Variants in GTF2F2 observed in about 807,000 individuals in gnomAD.
GTF2F2 encodes general transcription factor IIF subunit 2, also known as ATP-dependent helicase GTF2F2.
A neutral mutation model predicts 42.2 loss-of-function variants in GTF2F2; 23 were observed. That is an observed-to-expected ratio of 0.55 (90% CI 0.39 to 0.77). The LOEUF (loss-of-function observed/expected upper bound fraction) is 0.77, where lower values mean the gene tolerates loss of function less well. Ranked by LOEUF, GTF2F2 falls within the 30% of genes least tolerant of loss-of-function variation. The probability of loss-of-function intolerance (pLI) is 0.00; values close to 1 mark genes in which losing one functional copy is unlikely to be tolerated. For missense variants in GTF2F2, 261 were observed against 287.2 expected, an observed-to-expected ratio of 0.91 and a Z score of 0.66; for synonymous variants, 105 against 100.8, an observed-to-expected ratio of 1.04 and a Z score of -0.25.
intron 4 of GTF2F2, among the ~76,000 whole-genome samples, chr13:45,196,706 T>C (rs1872912514): frequency 6.6e-6 from 1 of 152,178 alleles, no homozygotes; most frequent in East Asian, 1.9e-4. Context: ...AATAAAGTGA[T>C]GTGGATAGAT....
chr13:45,123,712 T>C (rs1868810634), intron 1 of GTF2F2, among the ~76,000 whole-genome samples: 1 of 150,650 alleles, frequency 6.6e-6, no homozygotes, highest in South Asian at 2.1e-4. Flanking sequence ...AATATAGTAG[T>C]AGATTGTTTA....
chr13:45,197,142 C>T (rs1005795563), intron 4 of GTF2F2, among the ~76,000 whole-genome samples: 15 of 151,776 alleles, frequency 9.9e-5, no homozygotes, highest in African/African-American at 3.6e-4. Context: ...GTCTTAGTGC[C>T]TGGCTTATAC....
intron 4 of GTF2F2, among the ~76,000 whole-genome samples, chr13:45,177,671 T>C (rs750759733): frequency 1.5e-4 from 23 of 152,170 alleles, no homozygotes; most frequent in Non-Finnish European, 2.8e-4. Flanking sequence ...AATTCAGATA[T>C]GCCAAAGAGA....
At chr13:45,274,911 C>CA (rs879687807) in intron 7 of GTF2F2, among the ~76,000 whole-genome samples, 233 of 136,072 alleles carry the variant, frequency 1.7e-3, no homozygotes, top group South Asian at 2.8e-3. Context: ...GACCCTGTCT[C>CA]AAAAAAAAAA....
intron 6 of GTF2F2, among the ~76,000 whole-genome samples, chr13:45,264,666 C>G (rs974597236): frequency 2.0e-5 from 3 of 152,176 alleles, no homozygotes; most frequent in Non-Finnish European, 2.9e-5. Context: ...ACTCTTATCC[C>G]TAGTGTTGAT....
At chr13:45,162,273 G>A (rs568417946) in intron 4 of GTF2F2, among the ~76,000 whole-genome samples, 1 of 152,280 alleles carries the variant, frequency 6.6e-6, no homozygotes, top group African/African-American at 2.4e-5. Flanking sequence ...CCATCTTCAA[G>A]TCCCATTCAC....
intron 4 of GTF2F2, among the ~76,000 whole-genome samples, chr13:45,161,440 T>G (rs1871030069): frequency 6.6e-6 from 1 of 152,110 alleles, no homozygotes; most frequent in African/African-American, 2.4e-5. Context: ...GATCACTTTT[T>G]ATTGGGATGG....
At chr13:45,261,442 AAAG>A (rs1876340900) in intron 6 of GTF2F2, among the ~76,000 whole-genome samples, 1 of 151,160 alleles carries the variant, frequency 6.6e-6, no homozygotes, top group East Asian at 1.9e-4. Flanking sequence ...AAAAAAAAAA[AAAG>A]AATAATTTGT....
chr13:45,177,087 G>T (rs1871916206), intron 4 of GTF2F2, among the ~76,000 whole-genome samples: 1 of 152,126 alleles, frequency 6.6e-6, no homozygotes, highest in South Asian at 2.1e-4. Context: ...ACTGCGCCCA[G>T]CCTGGAATTG....
chr13:45,212,028 C>G (rs1218910525), intron 5 of GTF2F2, among the ~76,000 whole-genome samples: 1 of 152,056 alleles, frequency 6.6e-6, no homozygotes, highest in Non-Finnish European at 1.5e-5. Context: ...ACCCTACTAC[C>G]TAAAGGATCT....
intron 4 of GTF2F2, among the ~76,000 whole-genome samples, chr13:45,180,916 C>A (rs1343368541): frequency 6.6e-6 from 1 of 151,504 alleles, no homozygotes; most frequent in Non-Finnish European, 1.5e-5. Flanking sequence ...AATCCCAGCA[C>A]TTTGGGAGAC....
At chr13:45,214,332 C>A (rs1873807491) in intron 5 of GTF2F2, among the ~76,000 whole-genome samples, 1 of 152,132 alleles carries the variant, frequency 6.6e-6, no homozygotes, top group African/African-American at 2.4e-5. Context: ...TACATACTTT[C>A]ATACTAGTAA....
At chr13:45,127,141 A>G (rs1334236734) in intron 1 of GTF2F2, among the ~76,000 whole-genome samples, 2 of 152,144 alleles carry the variant, frequency 1.3e-5, no homozygotes, top group African/African-American at 2.4e-5. Flanking sequence ...AGAGAGTTAT[A>G]TATAATTAAT....
chr13:45,193,581 G>T (rs1278340391), intron 4 of GTF2F2: 3 of 500,774 alleles, frequency 6.0e-6, no homozygotes, highest in Non-Finnish European at 1.1e-5. Context: ...TTCATTTTAG[G>T]TGGAAGAGTC....
rs1877391940 is a variant in GTF2F2, at chr13:45,284,696, A to T, written c.*1135A>T. The T allele has an allele frequency of 6.6e-6, 1 of 152,188 alleles. No homozygotes were observed. The highest frequency in any genetic ancestry group is 1.5e-5 in the Non-Finnish European group (1 of 68,048). 9.4% of individuals were successfully genotyped at this position (152,188 alleles called of 1,614,324 possible). ...GCAGGAAAAAAAGAGAAAAAATAAT[A>T]AAAATAAGGAAGGAGCAATGCCAAA... On this transcript the variant is annotated 3_prime_UTR_variant, in exon 8 of 8. Coordinates refer to ENST00000340473, the MANE Select transcript of GTF2F2 (RefSeq NM_004128.3).
At chr13:45,271,401 T>C (rs1876786766) in intron 7 of GTF2F2, among the ~76,000 whole-genome samples, 1 of 152,166 alleles carries the variant, frequency 6.6e-6, no homozygotes, top group African/African-American at 2.4e-5. Flanking sequence ...TTATTTTATT[T>C]TTGAGACAGT....
chr13:45,263,445 GTCTTGA>G (rs1876429772), intron 6 of GTF2F2, among the ~76,000 whole-genome samples: 1 of 152,002 alleles, frequency 6.6e-6, no homozygotes, highest in Non-Finnish European at 1.5e-5. Context: ...AGCCAGGATG[GTCTTGA>G]TCTCCTGACC....
At chr13:45,120,981 T>C (rs767951107) in intron 1 of GTF2F2, among the ~76,000 whole-genome samples, 2 of 152,206 alleles carry the variant, frequency 1.3e-5, no homozygotes, top group Non-Finnish European at 2.9e-5. Context: ...TCCTGGAATC[T>C]TGTCTTGGTG....
At chr13:45,246,683 A>G (rs553536519) in intron 5 of GTF2F2, among the ~76,000 whole-genome samples, 20 of 152,266 alleles carry the variant, frequency 1.3e-4, no homozygotes, top group African/African-American at 4.3e-4. Flanking sequence ...AATACTTACG[A>G]CAGTCCATAT....
Sources: gnomAD v4.1 joint callset for allele counts (sites outside exome capture counted in the v4.1 genomes callset) on GRCh38, gnomAD v4.1.1 for gene constraint, MANE v1.5 for transcripts, NCBI Gene and HGNC (gene_info 2026-07-23, HGNC 2026-07-21) for gene names.